Variants in ABCC10 observed in about 807,000 individuals in gnomAD.
ABCC10 encodes the protein ATP-binding cassette sub-family C member 10.
In ABCC10, 110 loss-of-function variants were observed where a neutral mutation model predicts 143.2. The ratio of observed to expected loss-of-function variants is 0.77; its 90% CI spans 0.66 to 0.90. The LOEUF is 0.90. Among genes scored for constraint, ABCC10 ranks in the 40% least tolerant of loss-of-function variants. The pLI is 0.00. For missense variants in ABCC10, 1,700 were observed against 1,900.5 expected (o/e 0.89, Z 1.96); for synonymous variants, 805 against 846.7 (o/e 0.95, Z 0.85).
At chr6:43,432,018 G>C (rs1781189757) in intron 2 of ABCC10, 124 bp from the exon 3 acceptor site, 1 of 1,475,106 alleles carries the variant, frequency 6.8e-7, no homozygotes, top group African/African-American at 1.4e-5. Flanking sequence ...AGTGGAGTAG[G>C]GATAAGATGT....
Position 43,437,960 on chromosome 6 carries a change from G to A in ABCC10, c.1902G>A (p.Lys634=). 6.2e-7 allele frequency: 1 copy of A among 1,613,334 alleles called. No individual in the cohort carries two copies. Among genetic ancestry groups the A allele is most frequent in the Non-Finnish European group, 8.5e-7 (1 of 1,179,754 alleles). The part of the protein sequence containing the change: ...KKGMLVGIVG[K]VGCGKSSLLA... ...GTATGCTGGTGGGCATCGTGGGGAAGGTCGGCTGTGGGAAGAGCTCCCTGC... is the reference window on the plus strand; with the variant it reads ...GTATGCTGGTGGGCATCGTGGGGAAAGTCGGCTGTGGGAAGAGCTCCCTGC... Residue 634 remains lysine (K), a synonymous_variant, in exon 7 of 22, where the codon AAG becomes AAA. Coordinates refer to ENST00000372530, the MANE Select transcript of ABCC10 (RefSeq NM_001198934.2).
chr6:43,448,723 A>C (rs1783410776), intron 18 of ABCC10, among the ~76,000 whole-genome samples, 158 bp from the exon 19 acceptor site: 1 of 151,772 alleles, frequency 6.6e-6, no homozygotes, highest in South Asian at 2.1e-4. Context: ...AGCTACTAAC[A>C]GATCATTTGG....
At chr6:43,444,743 G>C (rs1362254385) in intron 12 of ABCC10, 45 bp from the exon 13 acceptor site, 1 of 1,539,862 alleles carries the variant, frequency 6.5e-7, no homozygotes, top group Non-Finnish European at 8.7e-7. Context: ...GAATGAACAA[G>C]GGAGAGGAGC....
rs146716505 is a variant in ABCC10 at position 43,441,880 on chromosome 6, C to T, written c.2146C>T (p.Gln716Ter). ...CCATCAGATCCTGCCTGCTGGAGAC[C>T]AGACAGAGGTGGGGGAGAAGGGTGT... The part of the protein sequence containing the change: ...DDLSILPAGD[Q>*]TEVGEKGVTL... The change falls in exon 9 of 22, where the codon CAG becomes TAG. Residue 716 changes from glutamine (Q) to a stop codon, truncating the protein, a stop_gained. Transcript: ENST00000372530. LOFTEE classifies it high-confidence loss of function. The T allele has an allele frequency of 1.2e-6, 2 of 1,613,568 alleles. No homozygotes were observed. Among genetic ancestry groups the T allele is most frequent in the South Asian group, 1.1e-5 (1 of 91,048 alleles).
chr6:43,441,973 T>G lies in ABCC10; in HGVS notation c.2226+13T>G. The stretch of plus-strand genomic sequence containing the variant: ...TGCTGTCTACCAGGTCAGTTAAAGA[T>G]GGAGGTTGCAGTGGCAGGGAGGTGG... On this transcript the variant is annotated intron_variant, in intron 9 of 21. Coordinates refer to ENST00000372530, the MANE Select transcript of ABCC10 (RefSeq NM_001198934.2). The G allele has an allele frequency of 1.2e-6, 2 of 1,612,218 alleles. No individual in the cohort carries two copies. Among genetic ancestry groups the G allele is most frequent in the Non-Finnish European group, 1.7e-6 (2 of 1,178,700 alleles).
Position 43,433,360 on chromosome 6 carries a change from G to T in ABCC10, c.1380G>T (p.Lys460Asn). The T allele has an allele frequency of 6.2e-7, 1 of 1,604,534 alleles. No homozygotes were observed. The highest frequency in any genetic ancestry group is 8.5e-7 in the Non-Finnish European group (1 of 1,173,224). The part of the protein sequence containing the change: ...EMLQHKDARV[K>N]LVTELLSGIR... Reference sequence around the variant, plus strand: ...TACAGCACAAGGATGCGCGGGTTAAGGTGAGCGGGTACTTGGGGTCCCTCA... The same window carrying T: ...TACAGCACAAGGATGCGCGGGTTAATGTGAGCGGGTACTTGGGGTCCCTCA... The change falls in exon 3 of 22, where the codon AAG becomes AAT. Residue 460 changes from lysine (K) to asparagine (N), a missense_variant and splice_region_variant. Lys to Asn is a moderately conservative substitution (Grantham distance 94). Coordinates refer to ENST00000372530, the MANE Select transcript of ABCC10 (RefSeq NM_001198934.2).
At chr6:43,433,793 C>G (rs1420877956) in intron 3 of ABCC10, among the ~76,000 whole-genome samples, 4 of 152,198 alleles carry the variant, frequency 2.6e-5, no homozygotes, top group African/African-American at 9.7e-5. Context: ...CACCCCATGG[C>G]TGCATGTAGA....
chr6:43,428,837 C>T (rs1780786203), intron 2 of ABCC10, among the ~76,000 whole-genome samples: 1 of 152,062 alleles, frequency 6.6e-6, no homozygotes, highest in African/African-American at 2.4e-5. Flanking sequence ...AGAGGTCTTT[C>T]TTGCTTTCTC....
Position 43,431,336 on chromosome 6 carries a change from A to G in ABCC10, c.162-806A>G, listed in dbSNP as rs547365656. 3.3e-5 allele frequency among the ~76,000 whole-genome samples: 5 copies of G among 151,440 alleles called. No homozygotes were observed. The South Asian group carries it at 1.0e-3, about 31-fold the overall frequency. On this transcript the variant is annotated intron_variant, in intron 2 of 21. Coordinates refer to ENST00000372530, the MANE Select transcript of ABCC10 (RefSeq NM_001198934.2). ...TTGTAAAAATGAATATGTACCCTTT[A>G]TCAGTTATCTGCATGAAAACTTTGG...
chr6:43,437,025 A>T (rs1781799469), intron 6 of ABCC10, among the ~76,000 whole-genome samples: 2 of 152,234 alleles, frequency 1.3e-5, no homozygotes, highest in Non-Finnish European at 2.9e-5. Context: ...GTAGAGATAC[A>T]TTGCAGAATC....
intron 2 of ABCC10, chr6:43,431,876 G>C (rs1781175184): frequency 7.7e-7 from 1 of 1,297,946 alleles, no homozygotes; most frequent in South Asian, 2.6e-5. Context: ...AAAAAAACAT[G>C]AATCAGAAAT....
intron 7 of ABCC10, chr6:43,438,414 G>A (rs1314697714): frequency 2.7e-5 from 38 of 1,426,468 alleles, no homozygotes; most frequent in Non-Finnish European, 3.5e-5. Flanking sequence ...CTGCTTGGCT[G>A]TAGCCAAAGA....
rs763330715 is a variant in ABCC10, at chr6:43,432,631, G to A, written c.651G>A (p.Gly217=). 42 of 1,613,884 alleles carry A rather than the reference G, an allele frequency of 2.6e-5. No individual in the cohort carries two copies. The East Asian group carries it at 9.1e-4, about 35-fold the overall frequency. The change falls in exon 3 of 22, where the codon GGG becomes GGA. Residue 217 remains glycine, a synonymous_variant. Transcript: ENST00000372530. ...EDQEPEVAED[G]ESWLSRFSYA... is the part of the protein sequence containing the mutation. Reference sequence around the variant, plus strand: ...AAGAACCTGAGGTGGCTGAAGATGGGGAGAGTTGGCTGTCACGCTTTTCCT... The same window carrying A: ...AAGAACCTGAGGTGGCTGAAGATGGAGAGAGTTGGCTGTCACGCTTTTCCT...
chr6:43,449,189 C>T lies in ABCC10; in HGVS notation c.4188C>T (p.Leu1396=). 2 of 1,613,984 alleles carry T rather than the reference C, an allele frequency of 1.2e-6. No homozygotes were observed. Among genetic ancestry groups the T allele is most frequent in the Non-Finnish European group, 1.7e-6 (2 of 1,179,930 alleles). The change falls in exon 20 of 22, where the codon CTC becomes CTT. Residue 1396 remains leucine (L), a synonymous_variant. Coordinates refer to ENST00000372530, the MANE Select transcript of ABCC10 (RefSeq NM_001198934.2). ...AGCTGTTGTGTTTGGCCAGGGCTCT[C>T]CTCACAGATGCCAAGGTAAGGTGAG... ...QRQLLCLARA[L]LTDAKILCID...
chr6:43,438,442 T>C, intron 7 of ABCC10, 182 bp from the exon 8 acceptor site: 1 of 1,431,108 alleles, frequency 7.0e-7, no homozygotes, highest in Middle Eastern at 2.6e-4. Flanking sequence ...CTTCCCTTCT[T>C]CGCCCAGAAT....
At chr6:43,434,920 C>A in intron 4 of ABCC10, 72 bp downstream of exon 4, 1 of 1,495,104 alleles carries the variant, frequency 6.7e-7, no homozygotes, top group South Asian at 1.2e-5. Flanking sequence ...CTTGGGCCCT[C>A]AGTGCTGGCT....
In ABCC10 at chr6:43,450,354, G is replaced by T; in HGVS notation, c.*263G>T. ...GTTTTTCTGGCATAGGAGCCCACTT[G>T]CATTTTCATAGTTTTATTTGATAAA... On this transcript the variant is annotated 3_prime_UTR_variant, in exon 22 of 22. Transcript: ENST00000372530. This position sits in a 1 kb window ranked among gnomAD's most constrained non-coding sequence, Gnocchi z 4.5. The T allele has an allele frequency of 3.2e-6, 3 of 951,796 alleles. No individual in the cohort carries two copies. In the South Asian group the frequency reaches 6.5e-5, roughly 21 times the overall value. The allele number at this position is 951,796 out of a possible 1,614,324, so 59.0% of individuals were successfully genotyped here. A position where few individuals can be genotyped will look rare whatever the true frequency, so the allele number is the denominator to read the frequency against.
Position 43,441,946 on chromosome 6 carries a change from C to A in ABCC10, c.2212C>A (p.Arg738Ser). ...GGQRARIALA[R>S]AVYQEKELYL... ...ACAGCGTGCCCGGATTGCCCTTGCT[C>A]GTGCTGTCTACCAGGTCAGTTAAAG... The change falls in exon 9 of 22, where the codon CGT (arginine) becomes AGT (serine). Residue 738 changes from arginine to serine, a missense_variant. Arg to Ser is a moderately radical substitution (Grantham distance 110, BLOSUM62 -1). Transcript: ENST00000372530. 6.2e-7 allele frequency: 1 copy of A among 1,613,730 alleles called. No individual in the cohort carries two copies. Among genetic ancestry groups the A allele is most frequent in the South Asian group, 1.1e-5 (1 of 91,044 alleles).
intron 6 of ABCC10, 96 bp downstream of exon 6, chr6:43,436,343 G>A: frequency 6.9e-7 from 1 of 1,444,028 alleles, no homozygotes; most frequent in Non-Finnish European, 9.5e-7. Flanking sequence ...CATAGCTGAT[G>A]GCTCTGCAGC....
Sources: allele counts gnomAD v4.1 joint callset (sites outside exome capture counted in the v4.1 genomes callset), GRCh38; gene constraint gnomAD v4.1.1; non-coding constraint Gnocchi (gnomAD v3.1); transcripts MANE v1.5; gene names NCBI Gene and HGNC (gene_info 2026-07-23, HGNC 2026-07-21).